The following CNTNAP2 variants were observed in gnomAD, a reference collection of about 807,000 sequenced individuals.
The protein encoded by CNTNAP2 is contactin-associated protein-like 2.
In CNTNAP2, 98 loss-of-function variants were observed where a neutral mutation model predicts 155.2. The observed-to-expected ratio is 0.63, with a 90% CI of 0.54 to 0.75. The LOEUF (loss-of-function observed/expected upper bound fraction) is 0.75, where lower values mean the gene tolerates loss of function less well. CNTNAP2 is among the 30% of genes least tolerant of loss of function. The pLI is 0.00. For missense variants in CNTNAP2, 1,727 were observed against 1,688.1 expected (o/e 1.02, Z -0.40); for synonymous variants, 651 against 631.2 (o/e 1.03, Z -0.47).
rs150966865 is a variant in CNTNAP2 at position 146,742,374 on chromosome 7, C to T, written c.98-31897C>T. On this transcript the variant is annotated intron_variant, in intron 1 of 23. Coordinates refer to ENST00000361727, the MANE Select transcript of CNTNAP2 (RefSeq NM_014141.6). Reference sequence around the variant, plus strand: ...GTTCACCTTTAGCCTTCAGAACTCACGGAAGAATAGGCAAGATTAATCGGA... The same window carrying T: ...GTTCACCTTTAGCCTTCAGAACTCATGGAAGAATAGGCAAGATTAATCGGA... Among the ~76,000 whole-genome samples, 37 of 152,120 alleles carry T rather than the reference C, an allele frequency of 2.4e-4. No homozygotes were observed. The East Asian group carries it at 5.6e-3, about 23-fold the overall frequency.
At chr7:146,117,016 G>A in intron 1 of CNTNAP2, 43 bp downstream of exon 1, 3 of 1,506,354 alleles carry the variant, frequency 2.0e-6, no homozygotes, top group Non-Finnish European at 2.7e-6. Context: ...CAGTTTCAGT[G>A]CGGCATTGAT....
chr7:147,328,604 G>A (rs1795502293), intron 9 of CNTNAP2, among the ~76,000 whole-genome samples: 1 of 152,190 alleles, frequency 6.6e-6, no homozygotes, highest in Non-Finnish European at 1.5e-5. Flanking sequence ...TAATTTATCA[G>A]CACAGTCATT....
At chr7:146,584,225 A>C (rs1249946491) in intron 1 of CNTNAP2, among the ~76,000 whole-genome samples, 1 of 152,214 alleles carries the variant, frequency 6.6e-6, no homozygotes, top group African/African-American at 2.4e-5. Context: ...ACATTGTTTA[A>C]AATTATGGGT....
At chr7:147,734,326 T>G (rs182137772) in intron 13 of CNTNAP2, among the ~76,000 whole-genome samples, 4,387 of 152,294 alleles carry the variant, frequency 0.029, 87 homozygotes, top group Non-Finnish European at 0.041. Flanking sequence ...ATTTATTGAT[T>G]TGCATATGTT....
chr7:147,737,162 C>T (rs752057869), intron 13 of CNTNAP2, among the ~76,000 whole-genome samples: 1 of 151,974 alleles, frequency 6.6e-6, no homozygotes, highest in Admixed American at 6.6e-5. Context: ...TTTTATCTAC[C>T]TTTGGTGTTT....
rs1434473592 is a variant in CNTNAP2 at position 147,314,995 on chromosome 7, G to A, written c.1498+14705G>A. Among the ~76,000 whole-genome samples, 4 of 150,430 alleles carry A rather than the reference G, an allele frequency of 2.7e-5. 1 individual carries two copies. The highest frequency in any genetic ancestry group is 5.9e-5 in the Non-Finnish European group (4 of 67,382). The stretch of plus-strand genomic sequence containing the variant: ...TAGTTCTACTATTTGCTAGCCTAGT[G>A]CAAAAGTTGATTCGAAGAGCAGTGG... On this transcript the variant is annotated intron_variant, in intron 9 of 23. Coordinates refer to ENST00000361727, the MANE Select transcript of CNTNAP2 (RefSeq NM_014141.6).
At chr7:147,725,654 T>A (rs1046482401) in intron 13 of CNTNAP2, among the ~76,000 whole-genome samples, 3 of 152,024 alleles carry the variant, frequency 2.0e-5, no homozygotes, top group African/African-American at 7.2e-5. Flanking sequence ...TGAACGTGAT[T>A]TCCCCCAAGG....
chr7:148,402,766 T>C (rs920405191), intron 22 of CNTNAP2, among the ~76,000 whole-genome samples: 2 of 152,150 alleles, frequency 1.3e-5, no homozygotes, highest in African/African-American at 2.4e-5. Flanking sequence ...TCTCAAATTA[T>C]TACTTTAGAT....
chr7:147,690,313 A>G (rs552869021), intron 13 of CNTNAP2, among the ~76,000 whole-genome samples: 268 of 152,260 alleles, frequency 1.8e-3, no homozygotes, highest in Non-Finnish European at 3.0e-3. Flanking sequence ...CCTTAGGCAA[A>G]ATGTCTAATC....
At chr7:146,327,464 CT>C (rs919193201) in intron 1 of CNTNAP2, among the ~76,000 whole-genome samples, 3 of 152,196 alleles carry the variant, frequency 2.0e-5, no homozygotes, top group Admixed American at 2.0e-4. Context: ...TCTGTTCATT[CT>C]GCAAAATTTC....
chr7:146,132,710 A>G (rs955787958), intron 1 of CNTNAP2, among the ~76,000 whole-genome samples: 56 of 151,136 alleles, frequency 3.7e-4, no homozygotes, highest in East Asian at 7.8e-4. Flanking sequence ...ATGTTTTCCA[A>G]TTTCATCCAT....
chr7:146,292,942 C>T (rs184247115), intron 1 of CNTNAP2, among the ~76,000 whole-genome samples: 1 of 151,930 alleles, frequency 6.6e-6, no homozygotes, highest in Admixed American at 6.6e-5. Flanking sequence ...ATACATTATT[C>T]TTTGGGATAT....
At chr7:147,299,058 A>G (rs1281732466) in intron 8 of CNTNAP2, among the ~76,000 whole-genome samples, 1 of 152,164 alleles carries the variant, frequency 6.6e-6, no homozygotes. Context: ...AAACTGAAGC[A>G]CGTCCTCATG....
chr7:147,047,111 T>C lies in CNTNAP2; in HGVS notation c.550+3057T>C, dbSNP rs560703598. 1.0e-3 allele frequency among the ~76,000 whole-genome samples: 145 copies of C among 139,980 alleles called. 4 individuals carry two copies. Among genetic ancestry groups the C allele is most frequent in the African/African-American group, 3.3e-3 (126 of 38,146 alleles). 91.8% of individuals were successfully genotyped at this position (139,980 alleles called of 152,430 possible). On this transcript the variant is annotated intron_variant, in intron 4 of 23. Transcript: ENST00000361727. ...TTTTAGTTAAGTTATGTTTCTTTTT[T>C]TTTTTTTTTTTTTTTGAGACGTAGT...
intron 21 of CNTNAP2, among the ~76,000 whole-genome samples, chr7:148,288,676 A>G (rs1040170814): frequency 3.3e-5 from 5 of 152,138 alleles, no homozygotes; most frequent in African/African-American, 9.7e-5. Context: ...ATTTTTACCT[A>G]TTTTTTGAAA....
intron 1 of CNTNAP2, among the ~76,000 whole-genome samples, chr7:146,757,660 A>C (rs2129183444): frequency 6.6e-6 from 1 of 152,338 alleles, no homozygotes; most frequent in South Asian, 2.1e-4. Context: ...ATTAGAACTT[A>C]AGTTTTCTAA....
rs377294102 is a variant in CNTNAP2 at position 146,286,590 on chromosome 7, T to C, written c.97+169617T>C. On this transcript the variant is annotated intron_variant, in intron 1 of 23. Transcript: ENST00000361727. ...TCAAACAAAAATGTGATTTTGCCACTCCCTGTTAAAAACCCCTGAATGACT... is the reference window on the plus strand; with the variant it reads ...TCAAACAAAAATGTGATTTTGCCACCCCCTGTTAAAAACCCCTGAATGACT... 5.9e-5 allele frequency among the ~76,000 whole-genome samples: 9 copies of C among 152,260 alleles called. No homozygotes were observed. In the East Asian group the frequency reaches 1.7e-3, roughly 29 times the overall value.
intron 3 of CNTNAP2, among the ~76,000 whole-genome samples, chr7:146,942,545 AAAC>A (rs1053898175): frequency 1.3e-5 from 2 of 152,158 alleles, no homozygotes; most frequent in African/African-American, 4.8e-5. Flanking sequence ...TTATTATTAA[AAAC>A]AAAAAACTTG....
rs888976222 is a variant in CNTNAP2 at position 147,527,015 on chromosome 7, C to CTTTTTTTTTTTTTTTTTTT, written c.1778-35114_1778-35096dup. Among the ~76,000 whole-genome samples the CTTTTTTTTTTTTTTTTTTT allele has an allele frequency of 1.6e-3, 107 of 65,160 alleles. 15 individuals are homozygous for CTTTTTTTTTTTTTTTTTTT. The highest frequency in any genetic ancestry group is 7.2e-3 in the African/African-American group (92 of 12,760). The allele number at this position is 65,160 out of a possible 152,430, so 42.7% of individuals were successfully genotyped here. ...CATGAATTATGGAAGACAGGCATTT[C>CTTTTTTTTTTTTTTTTTTT]TTTTTTTTTTTTTTTTTTTTTTTTT... On this transcript the variant is annotated intron_variant, in intron 11 of 23. Transcript: ENST00000361727.
Sources: gnomAD v4.1 joint callset for allele counts (sites outside exome capture counted in the v4.1 genomes callset) on GRCh38, gnomAD v4.1.1 for gene constraint, MANE v1.5 for transcripts, NCBI Gene and HGNC (gene_info 2026-07-23, HGNC 2026-07-21) for gene names.